TP63: variants seen among roughly 807,000 people sequenced by gnomAD.
The protein encoded by TP63 is tumor protein p63, also known as tumor protein 63.
TP63 carries 17 observed loss-of-function variants against 82.8 expected under a neutral mutation model. The ratio of observed to expected loss-of-function variants is 0.21; its 90% CI spans 0.14 to 0.31. TP63 has a LOEUF of 0.31. TP63 is among the 10% of genes least tolerant of loss of function. TP63 has a pLI of 1.00. For synonymous variants in TP63, 330 were observed against 321.7 expected, an observed-to-expected ratio of 1.03 and a Z score of -0.28; for missense variants, 648 against 895.3, an observed-to-expected ratio of 0.72 and a Z score of 3.52.
At chr3:189,854,100 A>G (rs1396744096) in intron 4 of TP63, among the ~76,000 whole-genome samples, 1 of 152,206 alleles carries the variant, frequency 6.6e-6, no homozygotes, top group Non-Finnish European at 1.5e-5. Flanking sequence ...GCATTGTGCA[A>G]TACATGCTCA....
chr3:189,677,331 T>A (rs77721857), intron 1 of TP63, among the ~76,000 whole-genome samples: 1 of 140,130 alleles, frequency 7.1e-6, no homozygotes, highest in Admixed American at 7.5e-5. Context: ...CACACACATA[T>A]TTATATATAT....
At chr3:189,826,137 G>C (rs1378005502) in intron 4 of TP63, among the ~76,000 whole-genome samples, 1 of 152,186 alleles carries the variant, frequency 6.6e-6, no homozygotes, top group Admixed American at 6.5e-5. Flanking sequence ...GGGGAAATTA[G>C]TGTAATTAAA....
chr3:189,608,033 C>T, the TP63 span, among the ~76,000 whole-genome samples: 2 of 152,056 alleles, frequency 1.3e-5, no homozygotes, highest in Admixed American at 1.3e-4. Flanking sequence ...ATATGAAGAT[C>T]TCTGATAACA....
At chr3:189,818,589 G>C (rs1366782089) in intron 4 of TP63, among the ~76,000 whole-genome samples, 1 of 152,022 alleles carries the variant, frequency 6.6e-6, no homozygotes, top group African/African-American at 2.4e-5. Context: ...AGGAAAATTA[G>C]AATGGATACT....
At chr3:189,773,160 T>G (rs139022698) in intron 3 of TP63, among the ~76,000 whole-genome samples, 593 of 152,364 alleles carry the variant, frequency 3.9e-3, no homozygotes, top group Non-Finnish European at 6.0e-3. Context: ...ATGTTTTGTA[T>G]GCACTTTCTC....
chr3:189,855,500 A>T (rs1716175501), intron 4 of TP63, among the ~76,000 whole-genome samples: 1 of 152,138 alleles, frequency 6.6e-6, no homozygotes. Context: ...TTTTAACTGG[A>T]GTAAAATTTA....
intron 3 of TP63, among the ~76,000 whole-genome samples, chr3:189,741,094 G>T (rs756319378): frequency 6.6e-6 from 1 of 152,008 alleles, no homozygotes; most frequent in African/African-American, 2.4e-5. Flanking sequence ...TGCCAGTGAG[G>T]TAAATGAAAT....
chr3:189,730,124 G>T (rs1380298415), intron 1 of TP63, among the ~76,000 whole-genome samples: 1 of 152,192 alleles, frequency 6.6e-6, no homozygotes, highest in African/African-American at 2.4e-5. Context: ...TGGATGGATG[G>T]ATAGGTGGAA....
At chr3:189,725,959 G>A (rs1295659113) in intron 1 of TP63, among the ~76,000 whole-genome samples, 1 of 151,802 alleles carries the variant, frequency 6.6e-6, no homozygotes, top group African/African-American at 2.4e-5. Flanking sequence ...AGAGGCTGGG[G>A]CAGGAGAATT....
chr3:189,757,872 T>C (rs991442860), intron 3 of TP63, among the ~76,000 whole-genome samples: 2 of 151,956 alleles, frequency 1.3e-5, no homozygotes, highest in African/African-American at 2.4e-5. Context: ...TCCCGATAGA[T>C]AGAAAAAAAA....
At chr3:189,734,794 C>A (rs763155142) in intron 1 of TP63, among the ~76,000 whole-genome samples, 25 of 152,160 alleles carry the variant, frequency 1.6e-4, no homozygotes, top group Non-Finnish European at 3.4e-4. Context: ...GGTTTTAGTT[C>A]AAGACAGTCC....
rs185612480 is a variant in TP63 at position 189,698,885 on chromosome 3, T to A, written c.63-38855T>A. ...CTATAATATTGTGGAAATTACAGTG[T>A]ATGACAGGAAGAATAGTATCTATTA... On this transcript the variant is annotated intron_variant, in intron 1 of 13. Transcript: ENST00000264731. 3.1e-3 allele frequency among the ~76,000 whole-genome samples: 469 copies of A among 152,292 alleles called. 7 individuals carry two copies. The highest frequency in any genetic ancestry group is 9.5e-3 in the African/African-American group (396 of 41,574).
At chr3:189,609,495 T>G in the TP63 span, among the ~76,000 whole-genome samples, 1 of 152,078 alleles carries the variant, frequency 6.6e-6, no homozygotes, top group Non-Finnish European at 1.5e-5. Flanking sequence ...ATAAGCCCAG[T>G]ACCCAATAGT....
chr3:189,733,455 G>A (rs1720320621), intron 1 of TP63, among the ~76,000 whole-genome samples: 1 of 152,166 alleles, frequency 6.6e-6, no homozygotes, highest in African/African-American at 2.4e-5. Context: ...ATTGTTGAGA[G>A]CCTATTTGTG....
chr3:189,671,507 T>C (rs955940665), intron 1 of TP63, among the ~76,000 whole-genome samples: 2 of 152,052 alleles, frequency 1.3e-5, no homozygotes, highest in South Asian at 2.1e-4. Context: ...AAAACAAAAC[T>C]ATCATATGAT....
intron 4 of TP63, among the ~76,000 whole-genome samples, chr3:189,861,401 G>A (rs1717020675): frequency 2.0e-5 from 3 of 151,948 alleles, no homozygotes; most frequent in South Asian, 4.2e-4. Flanking sequence ...CGTTTGTATG[G>A]GTAGAACATG....
At chr3:189,728,172 TAA>T (rs112123067) in intron 1 of TP63, among the ~76,000 whole-genome samples, 63,493 of 142,774 alleles carry the variant, frequency 0.44, 13,752 homozygotes, top group African/African-American at 0.54. Flanking sequence ...GTTTCGTTTA[TAA>T]AAAAAAAAAA....
intron 1 of TP63, among the ~76,000 whole-genome samples, chr3:189,716,785 A>G (rs1718991116): frequency 6.6e-6 from 1 of 151,848 alleles, no homozygotes; most frequent in South Asian, 2.1e-4. Flanking sequence ...AGGAAGAGCT[A>G]TCAGAATCTC....
At chr3:189,797,308 AGGT>A (rs966049961) in intron 3 of TP63, among the ~76,000 whole-genome samples, 1 of 152,088 alleles carries the variant, frequency 6.6e-6, no homozygotes, top group Non-Finnish European at 1.5e-5. Context: ...AGCCACTAAT[AGGT>A]GCAGTTTAGT....
Sources: gnomAD v4.1 joint callset for allele counts (sites outside exome capture counted in the v4.1 genomes callset) on GRCh38, gnomAD v4.1.1 for gene constraint, MANE v1.5 for transcripts, NCBI Gene and HGNC (gene_info 2026-07-23, HGNC 2026-07-21) for gene names.